The following ANO2 variants were observed in gnomAD, a reference collection of about 807,000 sequenced individuals.
ANO2 encodes anoctamin-2.
In ANO2, 101 loss-of-function variants were observed where a neutral mutation model predicts 124.2. The observed-to-expected ratio is 0.81, with a 90% CI of 0.69 to 0.96. The LOEUF is 0.96. Among genes scored for constraint, ANO2 ranks in the 40% least tolerant of loss-of-function variants. ANO2 has a pLI of 0.00. For synonymous variants in ANO2, 486 were observed against 482.5 expected (o/e 1.01, Z -0.09); for missense variants, 1,293 against 1,274.5 (o/e 1.01, Z -0.22).
intron 7 of ANO2, among the ~76,000 whole-genome samples, chr12:5,824,445 C>T (rs1953897350): frequency 6.6e-6 from 1 of 152,146 alleles, no homozygotes; most frequent in Non-Finnish European, 1.5e-5. Context: ...AAAATGCTAC[C>T]AGTCTCTTTG....
At chr12:5,767,709 G>A (rs915047267) in intron 10 of ANO2, among the ~76,000 whole-genome samples, 7 of 152,120 alleles carry the variant, frequency 4.6e-5, no homozygotes, top group Non-Finnish European at 7.4e-5. Flanking sequence ...TTCAAGACTC[G>A]AGCTACTTGT....
intron 16 of ANO2, among the ~76,000 whole-genome samples, chr12:5,621,657 T>C (rs1432175395): frequency 6.6e-6 from 1 of 152,110 alleles, no homozygotes; most frequent in Non-Finnish European, 1.5e-5. Flanking sequence ...GAATCTTCAA[T>C]CATGATTCCT....
chr12:5,576,917 T>C (rs577958771), intron 22 of ANO2, among the ~76,000 whole-genome samples: 1 of 152,362 alleles, frequency 6.6e-6, no homozygotes, highest in Admixed American at 6.5e-5. Flanking sequence ...ATATGTCCTT[T>C]CATCATGCCA....
intron 14 of ANO2, among the ~76,000 whole-genome samples, chr12:5,689,966 T>C (rs1397795988): frequency 1.3e-5 from 2 of 152,184 alleles, no homozygotes; most frequent in African/African-American, 2.4e-5. Context: ...GACTGCCCCA[T>C]GTGGGCAGTG....
At chr12:5,824,901 CCT>C (rs34900671) in intron 7 of ANO2, among the ~76,000 whole-genome samples, 5,519 of 152,164 alleles carry the variant, frequency 0.036, 213 homozygotes, top group African/African-American at 0.096. Context: ...AGTGGAAACC[CCT>C]GATAAACCCA....
rs776703055 is a variant in ANO2 at position 5,921,240 on chromosome 12, C to T, written c.334G>A (p.Val112Met). Reference sequence around the variant, plus strand: ...CCAGGGAAGCCTTGGGCCAGGTGCACCCCGCGTTTCCGGTAGTGGTAGGCA... The same window carrying T: ...CCAGGGAAGCCTTGGGCCAGGTGCATCCCGCGTTTCCGGTAGTGGTAGGCA... Reference protein sequence around the residue: ...VLAYHYRKRGVHLAQGFPGHS... With the variant: ...VLAYHYRKRGMHLAQGFPGHS... Residue 112 changes from valine to methionine, a missense_variant, in exon 3 of 25, where the codon GTG becomes ATG. By Grantham distance (21) the Val-to-Met change is conservative. Transcript: ENST00000682330. 4 of 1,613,900 alleles carry T rather than the reference C, an allele frequency of 2.5e-6. No homozygotes were observed. The Admixed American group carries it at 6.7e-5, about 27-fold the overall frequency.
intron 14 of ANO2, among the ~76,000 whole-genome samples, chr12:5,683,639 C>T (rs11063815): frequency 2.6e-5 from 4 of 152,046 alleles, no homozygotes; most frequent in South Asian, 4.1e-4. Context: ...AAAACAGAGT[C>T]GCCATACCGT....
At chr12:5,738,195 C>T (rs1178711487) in intron 13 of ANO2, among the ~76,000 whole-genome samples, 1 of 152,226 alleles carries the variant, frequency 6.6e-6, no homozygotes, top group African/African-American at 2.4e-5. Flanking sequence ...AAGTAGACTA[C>T]TTAGAGCATT....
chr12:5,794,285 C>T (rs1479822221), intron 10 of ANO2, among the ~76,000 whole-genome samples: 3 of 152,160 alleles, frequency 2.0e-5, no homozygotes, highest in South Asian at 4.1e-4. Flanking sequence ...GCCTCATTTC[C>T]TTCCAACCCT....
At chr12:5,933,285 A>T (rs1942507788) in intron 1 of ANO2, among the ~76,000 whole-genome samples, 6 of 152,172 alleles carry the variant, frequency 3.9e-5, no homozygotes, top group Admixed American at 3.9e-4. Flanking sequence ...CAGCTCCCAG[A>T]AGGTGATCTG....
intron 7 of ANO2, among the ~76,000 whole-genome samples, chr12:5,825,108 C>T (rs989722500): frequency 1.3e-5 from 2 of 152,162 alleles, no homozygotes; most frequent in South Asian, 2.1e-4. Flanking sequence ...AATGTCTTAT[C>T]CACTATCATG....
chr12:5,883,070 G>A (rs556232197), intron 3 of ANO2, among the ~76,000 whole-genome samples: 3 of 152,160 alleles, frequency 2.0e-5, no homozygotes, highest in African/African-American at 7.2e-5. Context: ...CCCACCACGT[G>A]CCCCATTGGA....
At chr12:5,878,973 G>A (rs4764499) in intron 3 of ANO2, among the ~76,000 whole-genome samples, 70,391 of 152,094 alleles carry the variant, frequency 0.46, 16,540 homozygotes, top group South Asian at 0.59. Flanking sequence ...TTTGAAGAAA[G>A]AAAGAGAAAT....
chr12:5,634,836 G>T (rs1945921181), intron 16 of ANO2, among the ~76,000 whole-genome samples: 1 of 152,196 alleles, frequency 6.6e-6, no homozygotes, highest in Non-Finnish European at 1.5e-5. Flanking sequence ...AGTCTGCCTT[G>T]CTTCCCAGGT....
Position 5,923,196 on chromosome 12 carries a change from GCACGCA to G in ANO2, c.23-398_23-393del, listed in dbSNP as rs1435496753. 7.6e-4 allele frequency among the ~76,000 whole-genome samples: 26 copies of G among 34,362 alleles called. 4 individuals carry two copies. Among genetic ancestry groups the G allele is most frequent in the Admixed American group, 7.1e-3 (14 of 1,978 alleles). 22.5% of individuals were successfully genotyped at this position (34,362 alleles called of 152,430 possible). A position where few individuals can be genotyped will look rare whatever the true frequency, so the allele number is the denominator to read the frequency against. ...CACGCACACACACATACACACACAC[GCACGCA>G]CACACACCCACATACACACACACAT... On this transcript the variant is annotated intron_variant, in intron 1 of 24. Transcript: ENST00000682330.
At chr12:5,812,922 G>A (rs28637705) in intron 7 of ANO2, among the ~76,000 whole-genome samples, 1 of 142,008 alleles carries the variant, frequency 7.0e-6, no homozygotes, top group East Asian at 2.2e-4. Flanking sequence ...GAAAAAGAAA[G>A]AGAGAGAAAG....
chr12:5,702,008 C>A (rs1419439305), intron 14 of ANO2, among the ~76,000 whole-genome samples: 1 of 151,724 alleles, frequency 6.6e-6, no homozygotes, highest in Non-Finnish European at 1.5e-5. Context: ...TTAAAATATT[C>A]CTAAAGACAG....
Position 5,908,292 on chromosome 12 carries a change from T to A in ANO2, c.534+12748A>T, listed in dbSNP as rs561589854. Among the ~76,000 whole-genome samples, 40 of 152,314 alleles carry A rather than the reference T, an allele frequency of 2.6e-4. No homozygotes were observed. Among genetic ancestry groups the A allele is most frequent in the African/African-American group, 8.9e-4 (37 of 41,576 alleles). Reference sequence around the variant, plus strand: ...GCCTGTGGATGAGCTAAGTGTAAGTTCCCTGGGCTGGAAGAGCCCAGAAAG... The same window carrying A: ...GCCTGTGGATGAGCTAAGTGTAAGTACCCTGGGCTGGAAGAGCCCAGAAAG... On this transcript the variant is annotated intron_variant, in intron 3 of 24. Transcript: ENST00000682330. The surrounding 1 kb of genome is among the most constrained non-coding windows in gnomAD (Gnocchi z 4.7).
At chr12:5,605,727 C>T (rs1032339054) in intron 19 of ANO2, among the ~76,000 whole-genome samples, 2 of 152,104 alleles carry the variant, frequency 1.3e-5, no homozygotes, top group Non-Finnish European at 1.5e-5. Flanking sequence ...GTCTATTTTG[C>T]ATGAACATAT....
Sources: gnomAD v4.1 joint callset for allele counts (sites outside exome capture counted in the v4.1 genomes callset) on GRCh38, gnomAD v4.1.1 for gene constraint, Gnocchi (gnomAD v3.1) non-coding constraint, MANE v1.5 for transcripts, NCBI Gene and HGNC (gene_info 2026-07-23, HGNC 2026-07-21) for gene names.